Variants in ZBTB20 observed in about 807,000 individuals in gnomAD.
ZBTB20 encodes zinc finger and BTB domain-containing protein 20.
A neutral mutation model predicts 56.9 loss-of-function variants in ZBTB20; 9 were observed. That is an observed-to-expected ratio of 0.16 (90% CI 0.10 to 0.28). The LOEUF (loss-of-function observed/expected upper bound fraction) is 0.28. ZBTB20 is among the 10% of genes least tolerant of loss of function. The probability of loss-of-function intolerance (pLI) is 1.00; values close to 1 mark genes in which losing one functional copy is unlikely to be tolerated. For synonymous variants in ZBTB20, 417 were observed against 420.7 expected, an observed-to-expected ratio of 0.99 and a Z score of 0.11; for missense variants, 655 against 1,003.0, an observed-to-expected ratio of 0.65 and a Z score of 4.69.
At chr3:114,834,163 A>T (rs1579075635) in intron 4 of ZBTB20, among the ~76,000 whole-genome samples, 2 of 152,192 alleles carry the variant, frequency 1.3e-5, no homozygotes, top group East Asian at 3.9e-4. Context: ...AAAAATTTTA[A>T]ATCTCTGCTA....
intron 4 of ZBTB20, among the ~76,000 whole-genome samples, chr3:114,856,409 A>G (rs2075258073): frequency 6.6e-6 from 1 of 152,176 alleles, no homozygotes; most frequent in Admixed American, 6.5e-5. Context: ...TGATGCTAAC[A>G]AGGATAAATA....
chr3:114,624,369 A>AAC (rs2058524300), intron 6 of ZBTB20, among the ~76,000 whole-genome samples: 1 of 151,982 alleles, frequency 6.6e-6, no homozygotes, highest in Non-Finnish European at 1.5e-5. Context: ...AAAAAAAAAA[A>AAC]AAACCCATCC....
At chr3:115,055,224 TCA>T (rs1553886757) in intron 2 of ZBTB20, among the ~76,000 whole-genome samples, 7 of 150,782 alleles carry the variant, frequency 4.6e-5, no homozygotes, top group African/African-American at 1.7e-4. Flanking sequence ...TCTCTCTCTC[TCA>T]CTGTCCACTA....
At chr3:114,935,016 T>C (rs2076485758) in intron 3 of ZBTB20, among the ~76,000 whole-genome samples, 1 of 152,186 alleles carries the variant, frequency 6.6e-6, no homozygotes, top group Non-Finnish European at 1.5e-5. Flanking sequence ...TTGGTTTTTA[T>C]AGATATGATT....
intron 3 of ZBTB20, among the ~76,000 whole-genome samples, chr3:114,906,702 C>T (rs2075331510): frequency 6.6e-6 from 1 of 151,438 alleles, no homozygotes; most frequent in Admixed American, 6.6e-5. Context: ...TTACCTTGGC[C>T]AGCCAGCGTC....
At chr3:115,070,649 C>T (rs1195270710) in intron 2 of ZBTB20, among the ~76,000 whole-genome samples, 1 of 152,030 alleles carries the variant, frequency 6.6e-6, no homozygotes, top group Non-Finnish European at 1.5e-5. Flanking sequence ...CAAAATTCTA[C>T]ACTAGAAAAG....
rs557718600 is a variant in ZBTB20, at chr3:114,444,942, C to T, written c.-255+55410G>A. ...GTATTTTCAAATTCTACATGGTCCT[C>T]GACCAGATATTCCAATATTCCATTC... On this transcript the variant is annotated intron_variant, in intron 7 of 11. Coordinates refer to ENST00000675478, the MANE Select transcript of ZBTB20 (RefSeq NM_001348800.3). Among the ~76,000 whole-genome samples, 8 of 152,194 alleles carry T rather than the reference C, an allele frequency of 5.3e-5. No individual in the cohort carries two copies. The South Asian group carries it at 1.5e-3, about 28-fold the overall frequency.
At chr3:114,359,549 G>A (rs544426475) in intron 10 of ZBTB20, 3 of 152,164 alleles carry the variant, frequency 2.0e-5, no homozygotes, top group African/African-American at 7.2e-5. Flanking sequence ...AACCTTTTGA[G>A]ACACCTTTTA....
chr3:114,403,277 T>G (rs1054205906), intron 7 of ZBTB20, among the ~76,000 whole-genome samples: 12 of 152,170 alleles, frequency 7.9e-5, no homozygotes, highest in African/African-American at 2.9e-4. Context: ...CACCATGTTC[T>G]TTCTCCTCTA....
intron 6 of ZBTB20, among the ~76,000 whole-genome samples, chr3:114,520,926 T>G (rs560932921): frequency 3.5e-4 from 54 of 152,282 alleles, no homozygotes; most frequent in Non-Finnish European, 6.9e-4. Flanking sequence ...AGAATCATGG[T>G]TGCTTTTATC....
intron 3 of ZBTB20, among the ~76,000 whole-genome samples, chr3:114,949,851 A>C (rs1560428633): frequency 6.6e-6 from 1 of 152,226 alleles, no homozygotes; most frequent in East Asian, 1.9e-4. Context: ...TATATCTGAC[A>C]AAGAAGTATA....
chr3:115,006,564 A>G (rs2079482403), intron 2 of ZBTB20, among the ~76,000 whole-genome samples: 1 of 151,540 alleles, frequency 6.6e-6, no homozygotes, highest in Non-Finnish European at 1.5e-5. Context: ...CTTGGTCAGA[A>G]CATTATCTTC....
chr3:114,374,001 C>A (rs1451222373), intron 10 of ZBTB20, among the ~76,000 whole-genome samples: 1 of 151,980 alleles, frequency 6.6e-6, no homozygotes, highest in East Asian at 1.9e-4. Context: ...CCCAAATGCA[C>A]AAAGTGGAAA....
chr3:114,462,351 C>T (rs551759477), intron 7 of ZBTB20, among the ~76,000 whole-genome samples: 93 of 152,326 alleles, frequency 6.1e-4, no homozygotes, highest in African/African-American at 2.1e-3. Flanking sequence ...TTATTAGTCT[C>T]TAGAACCAAG....
intron 7 of ZBTB20, among the ~76,000 whole-genome samples, chr3:114,440,404 T>C (rs1163326748): frequency 1.3e-5 from 2 of 152,186 alleles, no homozygotes; most frequent in African/African-American, 4.8e-5. Flanking sequence ...GAATTGGGTA[T>C]CCTTTATTGT....
chr3:114,689,138 C>T (rs2062541396), intron 6 of ZBTB20, among the ~76,000 whole-genome samples: 1 of 152,108 alleles, frequency 6.6e-6, no homozygotes, highest in Non-Finnish European at 1.5e-5. Flanking sequence ...GGGTTTTTAT[C>T]CTTCCTTCAC....
chr3:114,475,478 T>C (rs1472079213), intron 7 of ZBTB20, among the ~76,000 whole-genome samples: 1 of 152,184 alleles, frequency 6.6e-6, no homozygotes, highest in Non-Finnish European at 1.5e-5. Flanking sequence ...CGACTCACAA[T>C]ATTTGTCAAG....
intron 5 of ZBTB20, among the ~76,000 whole-genome samples, chr3:114,756,745 C>G (rs956296509): frequency 2.6e-5 from 4 of 152,120 alleles, no homozygotes; most frequent in African/African-American, 9.7e-5. Flanking sequence ...CAGTCTCAGT[C>G]TGATTCTAGT....
intron 3 of ZBTB20, among the ~76,000 whole-genome samples, chr3:114,941,140 C>A (rs2076710409): frequency 6.8e-6 from 1 of 146,526 alleles, no homozygotes; most frequent in Admixed American, 6.6e-5. Context: ...CTGTTTCATG[C>A]ATCTGTGCAG....
Sources: allele counts gnomAD v4.1 joint callset (sites outside exome capture counted in the v4.1 genomes callset), GRCh38; gene constraint gnomAD v4.1.1; transcripts MANE v1.5; gene names NCBI Gene and HGNC (gene_info 2026-07-23, HGNC 2026-07-21).